The following TTLL5 variants were observed in gnomAD, a reference collection of about 807,000 sequenced individuals.
The protein encoded by TTLL5 is tubulin polyglutamylase TTLL5.
Under a neutral mutation model 168.4 loss-of-function variants are expected in TTLL5, and 132 were observed. The observed-to-expected ratio is 0.78, with a 90% confidence interval of 0.68 to 0.91. TTLL5 has a LOEUF of 0.91. Ranked by LOEUF, TTLL5 falls within the 40% of genes least tolerant of loss-of-function variation. The probability of loss-of-function intolerance (pLI) is 0.00; values close to 1 mark genes in which losing one functional copy is unlikely to be tolerated. For missense variants in TTLL5, 1,545 were observed against 1,581.5 expected (o/e 0.98, Z 0.39); for synonymous variants, 546 against 558.6 (o/e 0.98, Z 0.32).
intron 9 of TTLL5, among the ~76,000 whole-genome samples, chr14:75,716,792 A>G (rs1290447411): frequency 6.6e-6 from 1 of 152,154 alleles, no homozygotes; most frequent in Non-Finnish European, 1.5e-5. Context: ...TTCCCTGGTT[A>G]CTTCCTTCAG....
chr14:75,682,829 T>A (rs897609416), intron 4 of TTLL5, among the ~76,000 whole-genome samples: 5 of 151,862 alleles, frequency 3.3e-5, no homozygotes, highest in Non-Finnish European at 7.4e-5. Flanking sequence ...AACAGTGGCA[T>A]GATCATAGTT....
chr14:75,774,218 T>C (rs1025897393), intron 21 of TTLL5, among the ~76,000 whole-genome samples: 3 of 152,140 alleles, frequency 2.0e-5, no homozygotes, highest in Admixed American at 1.3e-4. Context: ...CTCTTGGCCT[T>C]ATAAAATCTC....
chr14:75,671,052 CTT>C (rs1883702211), intron 3 of TTLL5, among the ~76,000 whole-genome samples: 1 of 152,068 alleles, frequency 6.6e-6, no homozygotes, highest in Non-Finnish European at 1.5e-5. Context: ...GCTCAATAGT[CTT>C]TGATCCATTT....
chr14:75,677,380 C>T (rs1884245405), intron 3 of TTLL5, among the ~76,000 whole-genome samples: 1 of 144,012 alleles, frequency 6.9e-6, no homozygotes, highest in African/African-American at 2.6e-5. Context: ...TTCTCTTTCT[C>T]TCTCTCTCTC....
In TTLL5 at chr14:75,764,691, G is replaced by A. The variant is rs199882533; in HGVS notation, c.1627G>A (p.Glu543Lys). The A allele has an allele frequency of 1.3e-4, 215 of 1,614,128 alleles. 3 individuals carry two copies. Among genetic ancestry groups the A allele is most frequent in the South Asian group, 6.4e-4 (58 of 91,082 alleles). The change falls in exon 19 of 32, where the codon GAG becomes AAG. Residue 543 changes from glutamate (E) to lysine (K), a missense_variant. By Grantham distance (56) the Glu-to-Lys change is moderately conservative. Coordinates refer to ENST00000298832, the MANE Select transcript of TTLL5 (RefSeq NM_015072.5). ...GGCCAAGCTGCATGCTGCACTTTAC[G>A]AGAGGAAGCTCCTGTCTCTGGAGGT... Reference protein sequence around the residue: ...SKAKLHAALYERKLLSLEVRK... With the variant: ...SKAKLHAALYKRKLLSLEVRK...
chr14:75,829,243 A>G (rs1304415925), intron 28 of TTLL5, among the ~76,000 whole-genome samples: 1 of 152,196 alleles, frequency 6.6e-6, no homozygotes, highest in East Asian at 1.9e-4. Flanking sequence ...ATCACTTAAG[A>G]GATAATTGCA....
At chr14:75,951,722 T>C (rs1385315071) in intron 31 of TTLL5, among the ~76,000 whole-genome samples, 5 of 152,180 alleles carry the variant, frequency 3.3e-5, no homozygotes, top group Non-Finnish European at 7.3e-5. Flanking sequence ...TGATTCTGCC[T>C]CTGCACAATA....
intron 31 of TTLL5, among the ~76,000 whole-genome samples, chr14:75,916,392 A>G (rs1328248794): frequency 5.9e-5 from 9 of 152,184 alleles, no homozygotes. Context: ...CTGTAATCCC[A>G]GCACTTTGGG....
intron 31 of TTLL5, among the ~76,000 whole-genome samples, chr14:75,947,418 G>A (rs1441986646): frequency 2.0e-5 from 3 of 152,098 alleles, no homozygotes; most frequent in Admixed American, 6.5e-5. Flanking sequence ...ACTACATTAT[G>A]GCTAAAGGTT....
chr14:75,766,168 G>C lies in TTLL5; in HGVS notation c.1815G>C (p.Glu605Asp). 6.2e-7 allele frequency: 1 copy of C among 1,614,024 alleles called. No individual in the cohort carries two copies. Among genetic ancestry groups the C allele is most frequent in the Non-Finnish European group, 8.5e-7 (1 of 1,179,982 alleles). The change falls in exon 20 of 32, where the codon GAG becomes GAC. Residue 605 changes from glutamate (E) to aspartate (D), a missense_variant. Glu to Asp is a conservative substitution (Grantham distance 45). Transcript: ENST00000298832. ...ATGAAGAACAGGAGGCTTCCCAGGA[G>C]GAGTCTGCAGGATTTCTTAGAGAAA... Reference protein sequence around the residue: ...NEDEEQEASQEESAGFLRENQ... With the variant: ...NEDEEQEASQDESAGFLRENQ...
chr14:75,728,769 A>C (rs368793962), intron 12 of TTLL5, among the ~76,000 whole-genome samples: 241 of 152,210 alleles, frequency 1.6e-3, no homozygotes, highest in Middle Eastern at 3.4e-3. Context: ...AGGAGACCTG[A>C]GAGTGTCACC....
chr14:75,856,751 C>G (rs958606420), intron 28 of TTLL5, among the ~76,000 whole-genome samples: 12 of 151,722 alleles, frequency 7.9e-5, no homozygotes, highest in Non-Finnish European at 1.3e-4. Context: ...CTCAGAATCC[C>G]CAGTAGCTGG....
At chr14:75,857,331 T>A (rs2139917523) in intron 28 of TTLL5, among the ~76,000 whole-genome samples, 1 of 152,282 alleles carries the variant, frequency 6.6e-6, no homozygotes, top group African/African-American at 2.4e-5. Context: ...CTATGGTAAA[T>A]GCCACTTGGC....
At chr14:75,914,536 A>C (rs935533452) in intron 31 of TTLL5, among the ~76,000 whole-genome samples, 3 of 151,994 alleles carry the variant, frequency 2.0e-5, no homozygotes, top group African/African-American at 7.3e-5. Flanking sequence ...CTTCCTTATA[A>C]ATTACCTGGT....
At chr14:75,840,575 A>G (rs936556281) in intron 28 of TTLL5, among the ~76,000 whole-genome samples, 2 of 152,176 alleles carry the variant, frequency 1.3e-5, no homozygotes, top group African/African-American at 4.8e-5. Flanking sequence ...GGAGGGAACT[A>G]CGCAAGGATG....
intron 23 of TTLL5, 121 bp from the exon 24 acceptor site, chr14:75,779,453 AT>A (rs1396761999): frequency 1.4e-6 from 2 of 1,406,696 alleles, no homozygotes; most frequent in African/African-American, 1.5e-5. Flanking sequence ...TTAATAGGGA[AT>A]TTTCAGCTTG....
At chr14:75,871,361 G>A (rs1296737285) in intron 29 of TTLL5, among the ~76,000 whole-genome samples, 3 of 152,096 alleles carry the variant, frequency 2.0e-5, no homozygotes, top group Non-Finnish European at 4.4e-5. Flanking sequence ...GGGTAACTTA[G>A]CCAAGATCAC....
chr14:75,822,516 T>A (rs1449093642), intron 28 of TTLL5, among the ~76,000 whole-genome samples: 1 of 152,192 alleles, frequency 6.6e-6, no homozygotes, highest in Non-Finnish European at 1.5e-5. Context: ...AGGGGCTGCC[T>A]TGTAAACTGT....
chr14:75,879,826 G>A (rs972553978), intron 29 of TTLL5, among the ~76,000 whole-genome samples: 1 of 152,102 alleles, frequency 6.6e-6, no homozygotes, highest in Non-Finnish European at 1.5e-5. Context: ...TCCTTCTTTA[G>A]CCCAATCTAA....
Sources: gnomAD v4.1 joint callset for allele counts (sites outside exome capture counted in the v4.1 genomes callset) on GRCh38, gnomAD v4.1.1 for gene constraint, MANE v1.5 for transcripts, NCBI Gene and HGNC (gene_info 2026-07-23, HGNC 2026-07-21) for gene names.